The following MMP27 variants were observed in gnomAD, a reference collection of about 807,000 sequenced individuals.
MMP27 encodes the protein matrix metallopeptidase 27, also known as matrix metalloproteinase-27.
In MMP27, 51 loss-of-function variants were observed where a neutral mutation model predicts 48.1. That is an observed-to-expected ratio of 1.06 (90% CI 0.85 to 1.34). The LOEUF is 1.34. Among genes scored for constraint, MMP27 ranks in the 40% most tolerant of loss-of-function variants. MMP27 has a pLI of 0.00. For missense variants in MMP27, 698 were observed against 619.3 expected (o/e 1.13, Z -1.35); for synonymous variants, 229 against 208.9 (o/e 1.10, Z -0.83).
intron 4 of MMP27, among the ~76,000 whole-genome samples, chr11:102,698,075 CT>C (rs768753834): frequency 1.3e-5 from 2 of 151,468 alleles, no homozygotes; most frequent in East Asian, 1.9e-4. Flanking sequence ...TTCTTTCTTT[CT>C]TTTTTTTTGT....
At position 102,705,643 on chromosome 11, in the gene MMP27, C is replaced by T. The variant is rs753882636; in HGVS notation, c.72G>A (p.Thr24=). ...CCAGTTGCATATTTTCTTCATTTTC[C>T]GTCATCCGGACTAAGGGAAATGCAG... ...FSSAFPLVRM[T]ENEENMQLAQ... Residue 24 remains threonine, a synonymous_variant, in exon 1 of 10, where the codon ACG becomes ACA. Transcript: ENST00000260229. 9 of 1,596,052 alleles carry T rather than the reference C, an allele frequency of 5.6e-6. No individual in the cohort carries two copies. The highest frequency in any genetic ancestry group is 2.7e-5 in the African/African-American group (2 of 73,530).
In MMP27 at chr11:102,691,806, C is replaced by T. The variant is rs111737559; in HGVS notation, c.1502G>A (p.Gly501Asp). The T allele has an allele frequency of 2.2e-4, 346 of 1,607,330 alleles. No homozygotes were observed. The African/African-American group carries it at 4.3e-3, about 20-fold the overall frequency. ...YHKSLSLFIFGIVHLLKNTSI... is the reference protein window; with the variant it reads ...YHKSLSLFIFDIVHLLKNTSI... ...AGTGTTTTTCAGCAAATGAACAATACCAAAAATAAACAAGCTTAAACTCTT... is the reference window on the plus strand; with the variant it reads ...AGTGTTTTTCAGCAAATGAACAATATCAAAAATAAACAAGCTTAAACTCTT... The change falls in exon 10 of 10, where the codon GGT becomes GAT. Residue 501 changes from glycine (G) to aspartate (D), a missense_variant. Transcript: ENST00000260229.
At chr11:102,700,998 C>T (rs938581922) in intron 4 of MMP27, among the ~76,000 whole-genome samples, 2 of 152,206 alleles carry the variant, frequency 1.3e-5, no homozygotes, top group African/African-American at 4.8e-5. Flanking sequence ...TAGGTTATTG[C>T]TGAATTGCCT....
intron 8 of MMP27, 47 bp from the exon 9 acceptor site, chr11:102,693,088 G>T: frequency 1.3e-6 from 2 of 1,511,466 alleles, no homozygotes; most frequent in South Asian, 2.3e-5. Flanking sequence ...TTGGTTTGGG[G>T]AGCTTAATTT....
At position 102,704,673 on chromosome 11, in the gene MMP27, A is replaced by G; in HGVS notation, c.205T>C (p.Phe69Leu). ...IDDKIREMQA[F>L]FGLTVTGKLD... ...TTTCCAGTCACTGTCAATCCAAAAA[A>G]TGCTTGCATTTCCCGAATTTTGTCA... Residue 69 changes from phenylalanine to leucine, a missense_variant, in exon 2 of 10, where the codon TTT becomes CTT. Phe to Leu is a conservative substitution (Grantham distance 22). Coordinates refer to ENST00000260229, the MANE Select transcript of MMP27 (RefSeq NM_022122.3). The G allele has an allele frequency of 6.2e-7, 1 of 1,614,080 alleles. No individual in the cohort carries two copies. The highest frequency in any genetic ancestry group is 8.5e-7 in the Non-Finnish European group (1 of 1,179,974).
At chr11:102,701,939 T>G (rs894865920) in intron 4 of MMP27, among the ~76,000 whole-genome samples, 3 of 152,216 alleles carry the variant, frequency 2.0e-5, no homozygotes, top group Non-Finnish European at 2.9e-5. Context: ...CTACAACCTG[T>G]GCTTTCCTGT....
At position 102,691,607 on chromosome 11, in the gene MMP27, A is replaced by T. The variant is rs1216187579; in HGVS notation, c.*159T>A. On this transcript the variant is annotated 3_prime_UTR_variant, in exon 10 of 10. Coordinates refer to ENST00000260229, the MANE Select transcript of MMP27 (RefSeq NM_022122.3). ...AGTCAGAGATTTTTGTTTCTACATA[A>T]TAACTTCCTATTAAAAGAATCAGGC... is the stretch of plus-strand genomic sequence containing the variant. 1 of 597,796 alleles carries T rather than the reference A, an allele frequency of 1.7e-6. No homozygotes were observed. Among genetic ancestry groups the T allele is most frequent in the African/African-American group, 1.9e-5 (1 of 52,984 alleles). 37.0% of individuals were successfully genotyped at this position (597,796 alleles called of 1,614,324 possible).
At chr11:102,697,518 T>C (rs1860853956) in intron 4 of MMP27, among the ~76,000 whole-genome samples, 1 of 152,226 alleles carries the variant, frequency 6.6e-6, no homozygotes, top group African/African-American at 2.4e-5. Flanking sequence ...TTATAAATTT[T>C]TTTTTTGAGG....
chr11:102,704,881 A>C, intron 1 of MMP27, 106 bp from the exon 2 acceptor site: 1 of 663,738 alleles, frequency 1.5e-6, no homozygotes, highest in East Asian at 2.7e-5. Context: ...TGGCAATAGG[A>C]AAGGGGAAAA....
At chr11:102,698,370 G>A (rs1860873306) in intron 4 of MMP27, among the ~76,000 whole-genome samples, 1 of 151,892 alleles carries the variant, frequency 6.6e-6, no homozygotes. Context: ...ACCAAAATAT[G>A]ATTAAATGGC....
At chr11:102,696,604 T>C in intron 5 of MMP27, 70 bp downstream of exon 5, 2 of 1,567,302 alleles carry the variant, frequency 1.3e-6, no homozygotes, top group Non-Finnish European at 1.7e-6. Flanking sequence ...CAAGAAGTGA[T>C]TTTCTTAACT....
chr11:102,692,509 T>C (rs1053194169), intron 9 of MMP27, among the ~76,000 whole-genome samples: 5 of 152,256 alleles, frequency 3.3e-5, no homozygotes, highest in African/African-American at 9.6e-5. Context: ...TTGTATTCAT[T>C]ACATTGCCTG....
At position 102,693,153 on chromosome 11, in the gene MMP27, A is replaced by G. The variant is rs994999664; in HGVS notation, c.1194-112T>C. 4.4e-6 allele frequency: 3 copies of G among 679,342 alleles called. No homozygotes were observed. In the African/African-American group the frequency reaches 5.4e-5, roughly 12 times the overall value. The allele number at this position is 679,342 out of a possible 1,614,324, so 42.1% of individuals were successfully genotyped here. A position where few individuals can be genotyped will look rare whatever the true frequency, so the allele number is the denominator to read the frequency against. On this transcript the variant is annotated intron_variant, in intron 8 of 9. Transcript: ENST00000260229. ...GATGTGGGGAATACATAGGCATAGT[A>G]GAGGAAAACTAATTGGATCAATAAT...
At position 102,703,101 on chromosome 11, in the gene MMP27, G is replaced by A. The variant is rs201748506; in HGVS notation, c.359C>T (p.Pro120Leu). The change falls in exon 3 of 10, where the codon CCG (proline) becomes CTG (leucine). Residue 120 changes from proline (P) to leucine (L), a missense_variant. Pro to Leu is a moderately conservative substitution (Grantham distance 98). Coordinates refer to ENST00000260229, the MANE Select transcript of MMP27 (RefSeq NM_022122.3). The part of the protein sequence containing the change: ...NLTYRIINYT[P>L]DMARAAVDEA... ...ATCCACAGCAGCTCGTGCCATATCC[G>A]GAGTATAGTTTATTATTCTTAAAAA... The A allele has an allele frequency of 1.2e-4, 193 of 1,612,926 alleles. No homozygotes were observed. The highest frequency in any genetic ancestry group is 3.3e-4 in the Middle Eastern group (2 of 6,056).
chr11:102,697,174 T>C (rs920506318), intron 4 of MMP27, among the ~76,000 whole-genome samples: 13 of 152,228 alleles, frequency 8.5e-5, no homozygotes, highest in African/African-American at 2.4e-5. Flanking sequence ...TACTGAATAT[T>C]ATAGGCAATT....
At chr11:102,700,643 C>T (rs1036372512) in intron 4 of MMP27, among the ~76,000 whole-genome samples, 3 of 152,242 alleles carry the variant, frequency 2.0e-5, no homozygotes, top group Admixed American at 1.3e-4. Flanking sequence ...CTGAAAGGAA[C>T]CAGTGTCTGC....
Position 102,692,016 on chromosome 11 carries a change from G to C in MMP27, c.1298-6C>G, listed in dbSNP as rs1323162771. On this transcript the variant is annotated splice_region_variant and splice_polypyrimidine_tract_variant and intron_variant, in intron 9 of 9. Transcript: ENST00000260229. ...ACGGCTGAAAAAGAAGAATCCTAGAGACAGGGAATCAGGATTAGTTATCTT... is the reference window on the plus strand; with the variant it reads ...ACGGCTGAAAAAGAAGAATCCTAGACACAGGGAATCAGGATTAGTTATCTT... 2 of 1,587,870 alleles carry C rather than the reference G, an allele frequency of 1.3e-6. No homozygotes were observed. Among genetic ancestry groups the C allele is most frequent in the Admixed American group, 3.5e-5 (2 of 56,906 alleles).
At chr11:102,700,713 G>A (rs1181966772) in intron 4 of MMP27, among the ~76,000 whole-genome samples, 1 of 152,226 alleles carries the variant, frequency 6.6e-6, no homozygotes, top group African/African-American at 2.4e-5. Context: ...AGTCTGTAAG[G>A]CCTGTTCAGT....
chr11:102,702,816 C>T lies in MMP27; in HGVS notation c.556G>A (p.Gly186Ser). Residue 186 changes from glycine (G) to serine (S), a missense_variant, in exon 4 of 10, where the codon GGT becomes AGT. Physicochemically the swap from Gly to Ser is moderately conservative, Grantham distance 56. Coordinates refer to ENST00000260229, the MANE Select transcript of MMP27 (RefSeq NM_022122.3). The part of the protein sequence containing the change: ...LGVLGHAFPP[G>S]PGLGGDTHFD... ...TGAGTGTCACCACCCAGACCCGGAC[C>T]AGGAGGAAAGGCATGGCCAAGCACT... 1.9e-6 allele frequency: 3 copies of T among 1,613,982 alleles called. No homozygotes were observed. Among genetic ancestry groups the T allele is most frequent in the South Asian group, 1.1e-5 (1 of 91,054 alleles).
Sources: gnomAD v4.1 joint callset for allele counts (sites outside exome capture counted in the v4.1 genomes callset) on GRCh38, gnomAD v4.1.1 for gene constraint, MANE v1.5 for transcripts, NCBI Gene and HGNC (gene_info 2026-07-23, HGNC 2026-07-21) for gene names.